GALNTL6: variants seen among roughly 807,000 people sequenced by gnomAD.
GALNTL6 encodes polypeptide N-acetylgalactosaminyltransferase-like 6.
Under a neutral mutation model 73.7 loss-of-function variants are expected in GALNTL6, and 46 were observed. That is an observed-to-expected ratio of 0.62 (90% confidence interval 0.49 to 0.80). GALNTL6 has a LOEUF of 0.80. GALNTL6 is among the 30% of genes least tolerant of loss of function. The pLI, the probability that GALNTL6 is intolerant of heterozygous loss-of-function variation, is 0.00. For missense variants in GALNTL6, 604 were observed against 755.0 expected, an observed-to-expected ratio of 0.80 and a Z score of 2.34; for synonymous variants, 259 against 263.7, an observed-to-expected ratio of 0.98 and a Z score of 0.17.
intron 5 of GALNTL6, among the ~76,000 whole-genome samples, chr4:172,584,021 C>T (rs1737309080): frequency 6.7e-6 from 1 of 149,442 alleles, no homozygotes; most frequent in South Asian, 2.1e-4. Flanking sequence ...ATTTAAAGAA[C>T]ATTTTTTGAA....
intron 2 of GALNTL6, among the ~76,000 whole-genome samples, chr4:172,160,283 A>T (rs956401121): frequency 2.0e-5 from 3 of 152,004 alleles, no homozygotes; most frequent in Non-Finnish European, 4.4e-5. Flanking sequence ...TATACCTATC[A>T]TATAGTAGTA....
At chr4:172,812,122 T>C (rs1741345045) in intron 6 of GALNTL6, among the ~76,000 whole-genome samples, 1 of 151,984 alleles carries the variant, frequency 6.6e-6, no homozygotes, top group Non-Finnish European at 1.5e-5. Flanking sequence ...AGGGGAAAGT[T>C]TTCACAAAAT....
At position 172,156,545 on chromosome 4, in the gene GALNTL6, A is replaced by ATG. The variant is rs1560945582; in HGVS notation, c.139-73110_139-73109insGT. Among the ~76,000 whole-genome samples the ATG allele has an allele frequency of 4.8e-3, 322 of 67,322 alleles. 15 individuals are homozygous for ATG. The highest frequency in any genetic ancestry group is 0.02 in the African/African-American group (272 of 13,730). 44.2% of individuals were successfully genotyped at this position (67,322 alleles called of 152,430 possible). A position where few individuals can be genotyped will look rare whatever the true frequency, so the allele number is the denominator to read the frequency against. ...TTAAATATACATATATATATAATAT[A>ATG]TATATATATATATATATATATACAT... is the stretch of plus-strand genomic sequence containing the variant. On this transcript the variant is annotated intron_variant, in intron 2 of 12. Coordinates refer to ENST00000506823, the MANE Select transcript of GALNTL6 (RefSeq NM_001034845.3).
At chr4:172,775,906 C>T (rs1403948057) in intron 5 of GALNTL6, among the ~76,000 whole-genome samples, 1 of 152,090 alleles carries the variant, frequency 6.6e-6, no homozygotes, top group Non-Finnish European at 1.5e-5. Context: ...GTGCTTGCCT[C>T]CAGCTGATGG....
intron 5 of GALNTL6, among the ~76,000 whole-genome samples, chr4:172,409,108 A>T (rs1744341766): frequency 6.6e-6 from 1 of 152,086 alleles, no homozygotes; most frequent in African/African-American, 2.4e-5. Context: ...TATTTGTAAC[A>T]TCTGCTATAA....
rs191834471 is a variant in GALNTL6, at chr4:172,634,287, C to G, written c.554-175074C>G. 2.0e-5 allele frequency among the ~76,000 whole-genome samples: 3 copies of G among 152,186 alleles called. No homozygotes were observed. In the South Asian group the frequency reaches 6.2e-4, roughly 32 times the overall value. On this transcript the variant is annotated intron_variant, in intron 5 of 12. Coordinates refer to ENST00000506823, the MANE Select transcript of GALNTL6 (RefSeq NM_001034845.3). ...AGAGGTGACAAAAACAGTCTGCCTG[C>G]AAATGAAACATGGCTCAAAGACATG...
At chr4:171,960,959 C>T (rs1452384275) in intron 2 of GALNTL6, among the ~76,000 whole-genome samples, 2 of 151,948 alleles carry the variant, frequency 1.3e-5, no homozygotes, top group Non-Finnish European at 2.9e-5. Context: ...TTTATTCTTT[C>T]TTAATAAACT....
intron 2 of GALNTL6, among the ~76,000 whole-genome samples, chr4:171,954,336 A>G (rs1018124001): frequency 1.3e-5 from 2 of 152,232 alleles, no homozygotes; most frequent in Admixed American, 1.3e-4. Flanking sequence ...TTTTTGTAGC[A>G]TATAAAAACA....
intron 5 of GALNTL6, among the ~76,000 whole-genome samples, chr4:172,671,773 A>G (rs1731999863): frequency 6.6e-6 from 1 of 152,200 alleles, no homozygotes. Flanking sequence ...CCCATTCAGT[A>G]TAATGTTGGC....
intron 2 of GALNTL6, among the ~76,000 whole-genome samples, chr4:171,983,886 G>A (rs1396431267): frequency 6.6e-6 from 1 of 152,146 alleles, no homozygotes; most frequent in Non-Finnish European, 1.5e-5. Flanking sequence ...GTAGGGAAGT[G>A]GAGAAGGAGG....
At chr4:172,191,415 G>A (rs757118661) in intron 2 of GALNTL6, among the ~76,000 whole-genome samples, 7 of 152,044 alleles carry the variant, frequency 4.6e-5, no homozygotes, top group Non-Finnish European at 7.3e-5. Flanking sequence ...GTAGCCATAG[G>A]GATCTATGTA....
At chr4:172,567,155 G>A (rs1736584202) in intron 5 of GALNTL6, among the ~76,000 whole-genome samples, 1 of 151,856 alleles carries the variant, frequency 6.6e-6, no homozygotes, top group Non-Finnish European at 1.5e-5. Context: ...AGATAAGCCT[G>A]AAAAGTTCAT....
chr4:172,462,666 G>A (rs1039678241), intron 5 of GALNTL6, among the ~76,000 whole-genome samples: 1 of 152,146 alleles, frequency 6.6e-6, no homozygotes, highest in Non-Finnish European at 1.5e-5. Flanking sequence ...CAAGTTTCAA[G>A]AGTACTGGAT....
At chr4:172,794,428 GT>G (rs1254897265) in intron 5 of GALNTL6, among the ~76,000 whole-genome samples, 2 of 152,188 alleles carry the variant, frequency 1.3e-5, no homozygotes, top group Non-Finnish European at 2.9e-5. Context: ...CTAGAGTTCA[GT>G]AGTAAATAGG....
At chr4:172,556,744 CAAAA>C (rs111334750) in intron 5 of GALNTL6, among the ~76,000 whole-genome samples, 1 of 119,774 alleles carries the variant, frequency 8.3e-6, no homozygotes. Flanking sequence ...AGACCCACAC[CAAAA>C]AAAAAAAAAA....
chr4:171,957,993 C>T (rs897625471), intron 2 of GALNTL6, among the ~76,000 whole-genome samples: 4 of 152,076 alleles, frequency 2.6e-5, no homozygotes, highest in African/African-American at 9.7e-5. Flanking sequence ...GCATGTAAAA[C>T]GTTTATGTTT....
chr4:171,969,583 T>G (rs976327611), intron 2 of GALNTL6, among the ~76,000 whole-genome samples: 2 of 152,220 alleles, frequency 1.3e-5, no homozygotes, highest in Non-Finnish European at 2.9e-5. Flanking sequence ...TTTTTACTCT[T>G]GATTTGGTCT....
intron 7 of GALNTL6, among the ~76,000 whole-genome samples, chr4:172,854,032 A>C (rs1743986850): frequency 6.6e-6 from 1 of 152,168 alleles, no homozygotes; most frequent in Non-Finnish European, 1.5e-5. Flanking sequence ...AATCTGGCCC[A>C]AATTTTCCTT....
intron 2 of GALNTL6, among the ~76,000 whole-genome samples, chr4:171,949,018 G>A (rs1455739153): frequency 6.6e-6 from 1 of 151,460 alleles, no homozygotes; most frequent in Non-Finnish European, 1.5e-5. Flanking sequence ...GAGTTGACAT[G>A]ACAATAAAAA....
Sources: gnomAD v4.1 joint callset for allele counts (sites outside exome capture counted in the v4.1 genomes callset) on GRCh38, gnomAD v4.1.1 for gene constraint, MANE v1.5 for transcripts, NCBI Gene and HGNC (gene_info 2026-07-23, HGNC 2026-07-21) for gene names.